AUH: variants seen among roughly 807,000 people sequenced by gnomAD.
AUH encodes the protein methylglutaconyl-CoA hydratase, mitochondrial.
A neutral mutation model predicts 42.3 loss-of-function variants in AUH; 29 were observed. The observed-to-expected ratio is 0.69, with a 90% CI of 0.51 to 0.93. The LOEUF is 0.93. Ranked by LOEUF, AUH falls within the 40% of genes least tolerant of loss-of-function variation. The pLI, the probability that AUH is intolerant of heterozygous loss-of-function variation, is 0.00. For synonymous variants in AUH, 174 were observed against 166.4 expected (o/e 1.05, Z -0.35); for missense variants, 452 against 438.1 (o/e 1.03, Z -0.28).
chr9:91,246,674 G>A (rs183168366), intron 6 of AUH, among the ~76,000 whole-genome samples: 28 of 152,330 alleles, frequency 1.8e-4, no homozygotes, highest in African/African-American at 6.7e-4. Context: ...CAGAAATCAC[G>A]CCAAAGGCAA....
chr9:91,338,001 T>C (rs887701875), intron 3 of AUH, among the ~76,000 whole-genome samples: 1 of 152,142 alleles, frequency 6.6e-6, no homozygotes, highest in African/African-American at 2.4e-5. Context: ...TGCTTTCACT[T>C]ATATCCTCAT....
At chr9:91,284,296 T>G (rs532484257) in intron 6 of AUH, among the ~76,000 whole-genome samples, 42 of 152,248 alleles carry the variant, frequency 2.8e-4, no homozygotes, top group Non-Finnish European at 4.9e-4. Flanking sequence ...TCCTTATAAC[T>G]TATACAAAAA....
rs543677192 is a variant in AUH, at chr9:91,292,159, T to C, written c.655+3862A>G. ...AACAGAAGCTCATCTATTTTTTTCA[T>C]AGGAATAGAAGAAACAACACCTCTT... On this transcript the variant is annotated intron_variant, in intron 6 of 9. Transcript: ENST00000375731. Among the ~76,000 whole-genome samples, 5 of 151,940 alleles carry C rather than the reference T, an allele frequency of 3.3e-5. No individual in the cohort carries two copies. The East Asian group carries it at 9.7e-4, about 29-fold the overall frequency.
chr9:91,335,832 TAAC>T (rs938923398), intron 3 of AUH, among the ~76,000 whole-genome samples: 1 of 152,236 alleles, frequency 6.6e-6, no homozygotes, highest in Non-Finnish European at 1.5e-5. Context: ...TAATGACTTC[TAAC>T]AACTGCCTGT....
rs769924401 is a variant in AUH, at chr9:91,217,347, A to G, written c.844-20T>C. ...AGGTCCCTAAAATTCAAATTAAAGAAACAGACTTCAATTATTTTTTATGCA... is the reference window on the plus strand; with the variant it reads ...AGGTCCCTAAAATTCAAATTAAAGAGACAGACTTCAATTATTTTTTATGCA... On this transcript the variant is annotated intron_variant, in intron 7 of 9. Transcript: ENST00000375731. The G allele has an allele frequency of 2.9e-5, 47 of 1,606,356 alleles. No homozygotes were observed. The highest frequency in any genetic ancestry group is 1.8e-4 in the Admixed American group (11 of 59,990).
intron 2 of AUH, 44 bp from the exon 3 acceptor site, chr9:91,356,014 A>C (rs1832386702): frequency 2.5e-6 from 4 of 1,604,386 alleles, no homozygotes; most frequent in African/African-American, 2.7e-5. Flanking sequence ...AGAAAAAAAA[A>C]ACAAAACATT....
intron 6 of AUH, among the ~76,000 whole-genome samples, chr9:91,256,064 A>C (rs958126531): frequency 5.9e-5 from 9 of 152,182 alleles, no homozygotes; most frequent in Admixed American, 1.3e-4. Context: ...TAGAAACAAC[A>C]AAGATTGATC....
intron 7 of AUH, chr9:91,218,899 A>G: frequency 1.0e-6 from 1 of 985,472 alleles, no homozygotes; most frequent in Non-Finnish European, 1.2e-6. Context: ...TTGCAGTCAC[A>G]TATTTTCTGA....
At chr9:91,235,850 A>G (rs1828144459) in intron 6 of AUH, among the ~76,000 whole-genome samples, 1 of 152,200 alleles carries the variant, frequency 6.6e-6, no homozygotes, top group Admixed American at 6.5e-5. Context: ...TAAATGTGAT[A>G]CTTAGAGCTA....
At chr9:91,323,432 G>A (rs1829737329) in intron 4 of AUH, among the ~76,000 whole-genome samples, 1 of 152,068 alleles carries the variant, frequency 6.6e-6, no homozygotes. Context: ...AGACCATCCT[G>A]GCCAACATGG....
intron 6 of AUH, 141 bp from the exon 7 acceptor site, chr9:91,221,133 G>T: frequency 1.1e-6 from 1 of 906,740 alleles, no homozygotes; most frequent in Non-Finnish European, 1.7e-6. Flanking sequence ...AACTACTTCA[G>T]AACAGAATCT....
At chr9:91,265,012 T>A (rs1159068030) in intron 6 of AUH, among the ~76,000 whole-genome samples, 2 of 152,204 alleles carry the variant, frequency 1.3e-5, no homozygotes, top group Non-Finnish European at 2.9e-5. Flanking sequence ...AACTTGTTTT[T>A]CTTCCTCTCT....
intron 3 of AUH, among the ~76,000 whole-genome samples, chr9:91,339,190 A>C (rs1182869526): frequency 6.6e-6 from 1 of 152,216 alleles, no homozygotes; most frequent in Non-Finnish European, 1.5e-5. Context: ...GATGTTGAAA[A>C]TATCACAACT....
At chr9:91,227,339 T>C (rs1334629494) in intron 6 of AUH, among the ~76,000 whole-genome samples, 1 of 124,290 alleles carries the variant, frequency 8.0e-6, no homozygotes, top group African/African-American at 2.7e-5. Context: ...TCACTCATGA[T>C]TTGGCTCTCT....
At chr9:91,232,406 T>C (rs1260692981) in intron 6 of AUH, among the ~76,000 whole-genome samples, 3 of 152,148 alleles carry the variant, frequency 2.0e-5, no homozygotes, top group Non-Finnish European at 4.4e-5. Flanking sequence ...ATTATCACAT[T>C]GTGCCCCATA....
At chr9:91,215,273 C>T (rs2131183560) in intron 9 of AUH, among the ~76,000 whole-genome samples, 1 of 152,184 alleles carries the variant, frequency 6.6e-6, no homozygotes, top group Admixed American at 6.5e-5. Flanking sequence ...GCAGTCATCC[C>T]TCAGTTATCT....
chr9:91,315,740 C>T (rs1010558527), intron 4 of AUH, among the ~76,000 whole-genome samples: 16 of 152,006 alleles, frequency 1.1e-4, no homozygotes, highest in African/African-American at 3.9e-4. Flanking sequence ...TAATAAACTC[C>T]AACACAATCA....
intron 6 of AUH, among the ~76,000 whole-genome samples, chr9:91,231,558 T>C (rs1827884552): frequency 6.6e-6 from 1 of 152,164 alleles, no homozygotes; most frequent in South Asian, 2.1e-4. Context: ...GCTGTTCCTA[T>C]TCGGTCATCT....
intron 4 of AUH, among the ~76,000 whole-genome samples, chr9:91,310,280 G>A (rs1233985842): frequency 6.6e-6 from 1 of 152,222 alleles, no homozygotes; most frequent in Non-Finnish European, 1.5e-5. Context: ...GGCAAGTTGA[G>A]CAGCATTCTT....
Sources: allele counts gnomAD v4.1 joint callset (sites outside exome capture counted in the v4.1 genomes callset), GRCh38; gene constraint gnomAD v4.1.1; transcripts MANE v1.5; gene names NCBI Gene and HGNC (gene_info 2026-07-23, HGNC 2026-07-21).